DPH6: variants seen among roughly 807,000 people sequenced by gnomAD.
DPH6 encodes the protein diphthine--ammonia ligase.
A neutral mutation model predicts 38.2 loss-of-function variants in DPH6; 33 were observed. The ratio of observed to expected loss-of-function variants is 0.86; its 90% CI spans 0.65 to 1.15. The LOEUF (loss-of-function observed/expected upper bound fraction) is 1.15. Among genes scored for constraint, DPH6 ranks in the 50% most tolerant of loss-of-function variants. The probability of loss-of-function intolerance (pLI) is 0.00; values close to 1 mark genes in which losing one functional copy is unlikely to be tolerated. For synonymous variants in DPH6, 108 were observed against 103.0 expected (o/e 1.05, Z -0.30); for missense variants, 325 against 320.0 (o/e 1.02, Z -0.12).
intron 6 of DPH6, among the ~76,000 whole-genome samples, chr15:35,394,617 A>T (rs1370053810): frequency 6.6e-6 from 1 of 152,218 alleles, no homozygotes; most frequent in Non-Finnish European, 1.5e-5. Flanking sequence ...CTTTGGAGAC[A>T]GACAGTTCTT....
rs183104564 is a variant in DPH6 at position 35,353,757 on chromosome 15, A to G, written n.207+19764T>C. Among the ~76,000 whole-genome samples, 1,058 of 152,238 alleles carry G rather than the reference A, an allele frequency of 6.9e-3. 15 individuals carry two copies. The highest frequency in any genetic ancestry group is 0.024 in the African/African-American group (987 of 41,536). On this transcript the variant is annotated intron_variant and non_coding_transcript_variant, in intron 3 of 3. Transcript: ENST00000558973. ...CTTTTGGCTTAGGATTGACTTGGTG[A>G]TGCAGGCTCTTTTTTGGTTCCATAT...
chr15:35,305,123 T>C (rs544612242), intron 3 of DPH6, among the ~76,000 whole-genome samples: 258 of 152,254 alleles, frequency 1.7e-3, no homozygotes, highest in African/African-American at 6.1e-3. Flanking sequence ...AGGTTTGAAG[T>C]GTTTGATAAT....
the DPH6 span, among the ~76,000 whole-genome samples, chr15:35,179,229 A>G: frequency 3.4e-5 from 5 of 149,222 alleles, no homozygotes; most frequent in African/African-American, 1.2e-4. Context: ...AAAAAAAAAG[A>G]AAAAAAATGT....
At chr15:35,403,511 CTTTA>C (rs957636679) in intron 6 of DPH6, among the ~76,000 whole-genome samples, 9 of 151,810 alleles carry the variant, frequency 5.9e-5, no homozygotes, top group Admixed American at 3.9e-4. Context: ...TTCATCCTTT[CTTTA>C]TTTTTATTTT....
At chr15:35,170,087 C>T in the DPH6 span, among the ~76,000 whole-genome samples, 1 of 152,172 alleles carries the variant, frequency 6.6e-6, no homozygotes, top group Non-Finnish European at 1.5e-5. Context: ...AGGAATAGTA[C>T]ATCAAATTGG....
At chr15:35,195,229 G>A in the DPH6 span, among the ~76,000 whole-genome samples, 1 of 152,236 alleles carries the variant, frequency 6.6e-6, no homozygotes, top group South Asian at 2.1e-4. Context: ...CCATCCATGT[G>A]GCTACGAATG....
chr15:35,520,586 A>G (rs1271216901), intron 3 of DPH6: 1 of 984,606 alleles, frequency 1.0e-6, no homozygotes, highest in African/African-American at 1.7e-5. Context: ...AAAGCTTCTT[A>G]TAATACTACC....
At chr15:35,231,187 C>T (rs964897876) in intron 3 of DPH6, among the ~76,000 whole-genome samples, 6 of 152,226 alleles carry the variant, frequency 3.9e-5, no homozygotes, top group Admixed American at 6.5e-5. Context: ...GAGTTCCCAT[C>T]AGTGGGATCT....
intron 3 of DPH6, among the ~76,000 whole-genome samples, chr15:35,458,228 C>G (rs1205040314): frequency 6.6e-6 from 1 of 152,100 alleles, no homozygotes. Flanking sequence ...GAGGGCTGAC[C>G]GTACTGCTAC....
chr15:35,272,369 C>T (rs1278593861), intron 3 of DPH6, among the ~76,000 whole-genome samples: 1 of 151,996 alleles, frequency 6.6e-6, no homozygotes, highest in East Asian at 1.9e-4. Context: ...GACTTTATAT[C>T]CAAAGTGCTT....
At chr15:35,363,383 G>C (rs57790981) in intron 3 of DPH6, among the ~76,000 whole-genome samples, 4,605 of 152,144 alleles carry the variant, frequency 0.03, 236 homozygotes, top group African/African-American at 0.11. Flanking sequence ...ATATTGCAGT[G>C]TACTTTACAA....
chr15:35,348,866 T>C (rs2052484686), intron 3 of DPH6, among the ~76,000 whole-genome samples: 1 of 152,120 alleles, frequency 6.6e-6, no homozygotes, highest in Admixed American at 6.6e-5. Context: ...TTTTTCCTCC[T>C]GGAGCAACTA....
intron 3 of DPH6, chr15:35,490,291 C>A: frequency 1.7e-6 from 1 of 579,142 alleles, no homozygotes; most frequent in Non-Finnish European, 2.2e-6. Context: ...TGTAGTAGAC[C>A]AAATGAATGT....
chr15:35,270,999 A>G (rs2051818848), intron 3 of DPH6, among the ~76,000 whole-genome samples: 1 of 152,220 alleles, frequency 6.6e-6, no homozygotes, highest in South Asian at 2.1e-4. Flanking sequence ...AAGACCATCT[A>G]CCTACAAACT....
rs945779125 is a variant in DPH6, at chr15:35,387,938, C to T, written c.568-6022G>A. Among the ~76,000 whole-genome samples the T allele has an allele frequency of 3.9e-5, 6 of 152,168 alleles. No homozygotes were observed. In the East Asian group the frequency reaches 7.7e-4, roughly 20 times the overall value. ...CTTGTGCCAGTTTTCAAAGGGAATG[C>T]TTCCAGTTTTTGTCCATTCAGTATG... On this transcript the variant is annotated intron_variant, in intron 6 of 8. Coordinates refer to ENST00000256538, the MANE Select transcript of DPH6 (RefSeq NM_080650.4).
chr15:35,255,429 T>C (rs2140412815), intron 3 of DPH6, among the ~76,000 whole-genome samples: 1 of 152,298 alleles, frequency 6.6e-6, no homozygotes, highest in Non-Finnish European at 1.5e-5. Flanking sequence ...TGATAAATGG[T>C]CTAAAATTCA....
chr15:35,491,949 A>G (rs2054488640), intron 3 of DPH6, among the ~76,000 whole-genome samples: 2 of 151,932 alleles, frequency 1.3e-5, no homozygotes, highest in Admixed American at 6.6e-5. Flanking sequence ...AGAGAGAGAG[A>G]GGAAGAGATT....
the DPH6 span, among the ~76,000 whole-genome samples, chr15:35,162,672 T>A: frequency 8.6e-5 from 13 of 151,998 alleles, no homozygotes; most frequent in East Asian, 1.9e-3. Context: ...ATAATTTTTT[T>A]AATCAACTCT....
intron 3 of DPH6, among the ~76,000 whole-genome samples, chr15:35,350,246 C>T (rs1595493671): frequency 6.7e-6 from 1 of 149,934 alleles, no homozygotes; most frequent in South Asian, 2.1e-4. Flanking sequence ...TTCTAGAAAT[C>T]TCTTGTGATC....
Sources: allele counts gnomAD v4.1 joint callset (sites outside exome capture counted in the v4.1 genomes callset), GRCh38; gene constraint gnomAD v4.1.1; transcripts MANE v1.5; gene names NCBI Gene and HGNC (gene_info 2026-07-23, HGNC 2026-07-21).